Variants in DYNC2LI1 observed in about 807,000 individuals in gnomAD.
DYNC2LI1 encodes cytoplasmic dynein 2 light intermediate chain 1.
Under a neutral mutation model 51.9 loss-of-function variants are expected in DYNC2LI1, and 45 were observed. The observed-to-expected ratio is 0.87, with a 90% CI of 0.68 to 1.11. DYNC2LI1 has a LOEUF of 1.11. Ranked by LOEUF, DYNC2LI1 falls within the 50% of genes most tolerant of loss-of-function variation. The pLI, the probability that DYNC2LI1 is intolerant of heterozygous loss-of-function variation, is 0.00. For synonymous variants in DYNC2LI1, 130 were observed against 137.8 expected (o/e 0.94, Z 0.40); for missense variants, 490 against 417.4 (o/e 1.17, Z -1.51).
chr2:43,801,783 T>C (rs1666086660), intron 10 of DYNC2LI1, 74 bp downstream of exon 10: 2 of 1,097,432 alleles, frequency 1.8e-6, no homozygotes, highest in South Asian at 2.7e-5. Context: ...ATGTTCACTT[T>C]GTCTCCAACA....
At chr2:43,825,064 G>C in the DYNC2LI1 span, 4 of 1,605,412 alleles carry the variant, frequency 2.5e-6, no homozygotes, top group Non-Finnish European at 3.4e-6. Context: ...CAAGGGTAGC[G>C]ATGCACTTTG....
the DYNC2LI1 span, among the ~76,000 whole-genome samples, chr2:43,816,723 T>C: frequency 6.6e-6 from 1 of 152,188 alleles, no homozygotes; most frequent in South Asian, 2.1e-4. Flanking sequence ...CATATTATGT[T>C]GTTAAATGGG....
chr2:43,775,854 ATTTTTTTTTTTTT>A (rs57868887), intron 1 of DYNC2LI1: 20 of 50,448 alleles, frequency 4.0e-4, no homozygotes, highest in Admixed American at 3.8e-3. Context: ...CACCTGGCCA[ATTTTTTTTTTTTT>A]TTTTTTTTTT....
At chr2:43,817,454 C>T in the DYNC2LI1 span, among the ~76,000 whole-genome samples, 108 of 151,978 alleles carry the variant, frequency 7.1e-4, no homozygotes, top group East Asian at 0.016. Flanking sequence ...CATTGCATTC[C>T]AGCCTGGGTG....
rs1312579341 is a variant in DYNC2LI1, at chr2:43,801,952, A to G, written c.802+243A>G. ...TTCATTTCTGATCTCTATTCCACTGAAAAACAAATTGCAAGTATTTTCTTT... is the reference window on the plus strand; with the variant it reads ...TTCATTTCTGATCTCTATTCCACTGGAAAACAAATTGCAAGTATTTTCTTT... On this transcript the variant is annotated intron_variant, in intron 10 of 12. Coordinates refer to ENST00000260605, the MANE Select transcript of DYNC2LI1 (RefSeq NM_016008.4). Among the ~76,000 whole-genome samples the G allele has an allele frequency of 2.0e-5, 3 of 152,278 alleles. No individual in the cohort carries two copies. In the East Asian group the frequency reaches 5.8e-4, roughly 29 times the overall value.
intron 2 of DYNC2LI1, among the ~76,000 whole-genome samples, chr2:43,778,415 G>C (rs1673121279): frequency 6.6e-6 from 1 of 152,012 alleles, no homozygotes; most frequent in African/African-American, 2.4e-5. Context: ...CAGCCTCCTA[G>C]AATGCTGGGA....
At position 43,774,091 on chromosome 2, in the gene DYNC2LI1, G is replaced by C. The variant is rs928985896; in HGVS notation, c.-48G>C. On this transcript the variant is annotated 5_prime_UTR_variant, in exon 1 of 13. Coordinates refer to ENST00000260605, the MANE Select transcript of DYNC2LI1 (RefSeq NM_016008.4). ...GGAGCTCGCCGCCTGATTCTAGGCT[G>C]GTCACTACTCCGAGCCTGTGACGTT... 1 of 1,612,154 alleles carries C rather than the reference G, an allele frequency of 6.2e-7. No homozygotes were observed. The highest frequency in any genetic ancestry group is 1.3e-5 in the African/African-American group (1 of 74,872).
intron 6 of DYNC2LI1, chr2:43,794,887 G>A: frequency 7.2e-7 from 1 of 1,387,966 alleles, no homozygotes; most frequent in Non-Finnish European, 9.3e-7. Context: ...ACACCAATCA[G>A]AGAAATAGAG....
intron 5 of DYNC2LI1, among the ~76,000 whole-genome samples, chr2:43,792,424 T>G (rs1041221958): frequency 2.6e-5 from 4 of 152,230 alleles, no homozygotes; most frequent in African/African-American, 9.6e-5. Flanking sequence ...ATATTGGATA[T>G]AATCCTAAAC....
chr2:43,824,839 G>T, the DYNC2LI1 span: 1 of 1,608,340 alleles, frequency 6.2e-7, no homozygotes, highest in South Asian at 1.1e-5. Context: ...AGTCTGAGAT[G>T]AGAAAGTTTA....
chr2:43,808,747 A>G (rs918111504), intron 12 of DYNC2LI1, among the ~76,000 whole-genome samples: 5 of 152,104 alleles, frequency 3.3e-5, no homozygotes, highest in African/African-American at 9.7e-5. Flanking sequence ...TGTGGCACAC[A>G]TTATGTTTTC....
chr2:43,780,151 C>T (rs1483864002), intron 2 of DYNC2LI1, among the ~76,000 whole-genome samples: 1 of 152,122 alleles, frequency 6.6e-6, no homozygotes, highest in Admixed American at 6.5e-5. Context: ...AGAGTTATTA[C>T]TGTGGGGATG....
At chr2:43,786,126 A>G (rs369557769) in intron 3 of DYNC2LI1, among the ~76,000 whole-genome samples, 14 of 152,254 alleles carry the variant, frequency 9.2e-5, no homozygotes, top group African/African-American at 3.1e-4. Context: ...AACTATCATT[A>G]TCTAAATGAT....
chr2:43,822,281 C>T, the DYNC2LI1 span, among the ~76,000 whole-genome samples: 1 of 152,090 alleles, frequency 6.6e-6, no homozygotes. Flanking sequence ...TCCTTTAACC[C>T]CTGCAATATT....
chr2:43,796,154 A>T (rs1035304345), intron 7 of DYNC2LI1, among the ~76,000 whole-genome samples, 196 bp downstream of exon 7: 1 of 152,164 alleles, frequency 6.6e-6, no homozygotes, highest in African/African-American at 2.4e-5. Context: ...AGTGATTAGA[A>T]TGGGGATAAG....
intron 2 of DYNC2LI1, among the ~76,000 whole-genome samples, chr2:43,779,533 G>T (rs1673179223): frequency 6.6e-6 from 1 of 152,204 alleles, no homozygotes; most frequent in Non-Finnish European, 1.5e-5. Flanking sequence ...AGCAACTTGT[G>T]TATCAGGACT....
chr2:43,787,358 T>G, intron 4 of DYNC2LI1, 108 bp downstream of exon 4: 1 of 902,400 alleles, frequency 1.1e-6, no homozygotes, highest in Non-Finnish European at 1.7e-6. Context: ...CATACCCAGT[T>G]GTACACTTCG....
Position 43,809,766 on chromosome 2 carries a change from G to A in DYNC2LI1, c.1055G>A (p.Ter352=). The part of the protein sequence containing the change: ...KSWKQIELDS[*] ...TGGAAACAAATCGAGCTTGATTCTT[G>A]AACCTATTTCAATTATTGTATATTT... The change falls in exon 13 of 13, where the codon TGA becomes TAA. Residue 352 remains the stop codon, a stop_retained_variant. Coordinates refer to ENST00000260605, the MANE Select transcript of DYNC2LI1 (RefSeq NM_016008.4). The A allele has an allele frequency of 6.2e-7, 1 of 1,610,178 alleles. No homozygotes were observed. Among genetic ancestry groups the A allele is most frequent in the Non-Finnish European group, 8.5e-7 (1 of 1,177,926 alleles).
the DYNC2LI1 span, chr2:43,823,970 G>A: frequency 1.2e-6 from 2 of 1,614,062 alleles, no homozygotes; most frequent in African/African-American, 2.7e-5. Context: ...AACTGGTAAA[G>A]GAGACCTACG....
Sources: gnomAD v4.1 joint callset for allele counts (sites outside exome capture counted in the v4.1 genomes callset) on GRCh38, gnomAD v4.1.1 for gene constraint, MANE v1.5 for transcripts, NCBI Gene and HGNC (gene_info 2026-07-23, HGNC 2026-07-21) for gene names.